The following LRP1B variants were observed in gnomAD, a reference collection of about 807,000 sequenced individuals.
The protein encoded by LRP1B is LDL receptor related protein 1B.
LRP1B carries 217 observed loss-of-function variants against 556.6 expected under a neutral mutation model. The observed-to-expected ratio is 0.39, with a 90% CI of 0.35 to 0.44. LRP1B has a LOEUF of 0.44. LRP1B is among the 20% of genes least tolerant of loss of function. The pLI is 1.00. For synonymous variants in LRP1B, 2,047 were observed against 1,865.8 expected (o/e 1.10, Z -2.50); for missense variants, 5,053 against 5,620.8 (o/e 0.90, Z 3.23).
chr2:140,879,463 T>C (rs1693407119), intron 25 of LRP1B, among the ~76,000 whole-genome samples: 1 of 152,122 alleles, frequency 6.6e-6, no homozygotes, highest in Non-Finnish European at 1.5e-5. Flanking sequence ...TCGATTTAAG[T>C]GAGAAATTCC....
intron 7 of LRP1B, among the ~76,000 whole-genome samples, chr2:141,184,151 A>G (rs1213232170): frequency 6.6e-6 from 1 of 152,062 alleles, no homozygotes; most frequent in Non-Finnish European, 1.5e-5. Flanking sequence ...TCCACAGACA[A>G]AAGTAACTAC....
At chr2:141,158,416 TG>T (rs1188127006) in intron 7 of LRP1B, among the ~76,000 whole-genome samples, 4 of 152,296 alleles carry the variant, frequency 2.6e-5, no homozygotes, top group Admixed American at 2.6e-4. Flanking sequence ...AGGTGAAATT[TG>T]TTCTTTTATA....
chr2:141,810,162 AAAGAAG>A, intron 2 of LRP1B, 111 bp downstream of exon 2: 1 of 368,350 alleles, frequency 2.7e-6, no homozygotes, highest in Non-Finnish European at 3.7e-6. Context: ...AGAAAGAAAG[AAAGAAG>A]GAAAGAAAGA....
chr2:140,345,062 T>G (rs1342878429), intron 77 of LRP1B, among the ~76,000 whole-genome samples: 1 of 151,790 alleles, frequency 6.6e-6, no homozygotes, highest in East Asian at 1.9e-4. Context: ...TTTCTCAATT[T>G]CACTGCTGCC....
At chr2:142,076,228 G>T (rs1216660100) in intron 1 of LRP1B, among the ~76,000 whole-genome samples, 1 of 151,978 alleles carries the variant, frequency 6.6e-6, no homozygotes, top group Non-Finnish European at 1.5e-5. Flanking sequence ...TGAAGATGTG[G>T]ACCACAATAT....
At chr2:141,445,586 T>C (rs941964778) in intron 3 of LRP1B, among the ~76,000 whole-genome samples, 2 of 152,236 alleles carry the variant, frequency 1.3e-5, no homozygotes, top group African/African-American at 4.8e-5. Flanking sequence ...CTCTAAACAC[T>C]GTGTTAGCTG....
At chr2:140,858,387 G>A (rs2105135237) in intron 27 of LRP1B, among the ~76,000 whole-genome samples, 1 of 151,440 alleles carries the variant, frequency 6.6e-6, no homozygotes. Context: ...ACAGTGAGGA[G>A]AACAATACAA....
intron 3 of LRP1B, among the ~76,000 whole-genome samples, chr2:141,257,396 G>T (rs1197653273): frequency 6.6e-6 from 1 of 152,164 alleles, no homozygotes. Context: ...CTGGAGCCCA[G>T]CTGCACCTTT....
At chr2:141,921,164 T>G (rs907950136) in intron 1 of LRP1B, among the ~76,000 whole-genome samples, 1 of 152,050 alleles carries the variant, frequency 6.6e-6, no homozygotes, top group African/African-American at 2.4e-5. Context: ...TTCTCATCCT[T>G]GTAAGATGGT....
chr2:141,889,443 G>A (rs1216712798), intron 1 of LRP1B, among the ~76,000 whole-genome samples: 1 of 152,114 alleles, frequency 6.6e-6, no homozygotes, highest in Non-Finnish European at 1.5e-5. Flanking sequence ...TGGATGGAAA[G>A]GACTTAAAGT....
At chr2:141,454,378 C>A (rs1281302525) in intron 3 of LRP1B, among the ~76,000 whole-genome samples, 3 of 152,122 alleles carry the variant, frequency 2.0e-5, no homozygotes, top group African/African-American at 7.2e-5. Context: ...CAGGTAACAG[C>A]AAGACAAGAG....
At chr2:140,291,161 A>T (rs887251248) in intron 84 of LRP1B, among the ~76,000 whole-genome samples, 1 of 150,922 alleles carries the variant, frequency 6.6e-6, no homozygotes, top group Non-Finnish European at 1.5e-5. Context: ...GGAAAAATAA[A>T]TTTCCAAAGG....
intron 2 of LRP1B, among the ~76,000 whole-genome samples, chr2:141,655,305 G>C (rs1689963238): frequency 6.6e-6 from 1 of 152,098 alleles, no homozygotes; most frequent in Non-Finnish European, 1.5e-5. Context: ...TTCATTTTAA[G>C]TGTGGTAGAA....
intron 43 of LRP1B, among the ~76,000 whole-genome samples, chr2:140,585,821 C>A (rs1252893954): frequency 1.3e-5 from 2 of 152,170 alleles, no homozygotes; most frequent in African/African-American, 4.8e-5. Context: ...AATCAACCAT[C>A]TTTATTTTCA....
chr2:140,924,101 A>C (rs543591639), intron 20 of LRP1B, among the ~76,000 whole-genome samples: 1 of 152,116 alleles, frequency 6.6e-6, no homozygotes, highest in South Asian at 2.1e-4. Flanking sequence ...TTAATGTATA[A>C]GCTACCTATA....
chr2:140,877,847 A>G (rs899481559), intron 25 of LRP1B, among the ~76,000 whole-genome samples: 2 of 152,166 alleles, frequency 1.3e-5, no homozygotes, highest in Non-Finnish European at 2.9e-5. Context: ...GGCACATGTC[A>G]TCAGGACCTC....
chr2:140,855,493 G>GGAAAAAA (rs570169727), intron 27 of LRP1B, among the ~76,000 whole-genome samples: 7 of 99,404 alleles, frequency 7.0e-5, no homozygotes, highest in East Asian at 2.6e-4. Context: ...TCTCTACTGG[G>GGAAAAAA]AAAAAAAAAA....
intron 1 of LRP1B, among the ~76,000 whole-genome samples, chr2:141,935,531 G>A (rs143009853): frequency 1.2e-3 from 175 of 152,108 alleles, no homozygotes; most frequent in African/African-American, 4.1e-3. Flanking sequence ...ATAGAATCTT[G>A]TAAAATAAGG....
chr2:141,492,354 AAAAACAAAAC>A (rs1177765411), intron 2 of LRP1B, among the ~76,000 whole-genome samples: 8 of 152,090 alleles, frequency 5.3e-5, no homozygotes, highest in South Asian at 2.1e-4. Context: ...GTACTGGCCT[AAAAACAAAAC>A]AAAACAAAAC....
Sources: gnomAD v4.1 joint callset for allele counts (sites outside exome capture counted in the v4.1 genomes callset) on GRCh38, gnomAD v4.1.1 for gene constraint, MANE v1.5 for transcripts, NCBI Gene and HGNC (gene_info 2026-07-23, HGNC 2026-07-21) for gene names.